RNF216: variants seen among roughly 807,000 people sequenced by gnomAD.
RNF216 encodes the protein E3 ubiquitin-protein ligase RNF216.
RNF216 carries 72 observed loss-of-function variants against 110.8 expected under a neutral mutation model. The ratio of observed to expected loss-of-function variants is 0.65; its 90% CI spans 0.54 to 0.79. The LOEUF is 0.79. Ranked by LOEUF, RNF216 falls within the 30% of genes least tolerant of loss-of-function variation. RNF216 has a pLI of 0.00. For missense variants in RNF216, 1,342 were observed against 1,141.2 expected, an observed-to-expected ratio of 1.18 and a Z score of -2.54; for synonymous variants, 495 against 407.5, an observed-to-expected ratio of 1.21 and a Z score of -2.59.
chr7:5,759,633 C>CTTCTTTTT (rs59390560), intron 2 of RNF216, among the ~76,000 whole-genome samples: 1,389 of 131,124 alleles, frequency 0.011, 127 homozygotes, highest in East Asian at 0.083. Context: ...CATTTTTCTT[C>CTTCTTTTT]TTTTTTTTTT....
intron 3 of RNF216, among the ~76,000 whole-genome samples, chr7:5,744,047 A>G (rs569205705): frequency 5.3e-5 from 8 of 152,244 alleles, no homozygotes; most frequent in Non-Finnish European, 1.2e-4. Context: ...TCAAAACAAG[A>G]GAAGTAACAG....
chr7:5,762,652 A>G (rs1210588476), intron 1 of RNF216, among the ~76,000 whole-genome samples: 1 of 152,054 alleles, frequency 6.6e-6, no homozygotes, highest in Non-Finnish European at 1.5e-5. Context: ...AGATCACACC[A>G]CTGCACTCCA....
chr7:5,733,386 G>T (rs1391697687), intron 5 of RNF216, among the ~76,000 whole-genome samples: 2 of 152,176 alleles, frequency 1.3e-5, no homozygotes, highest in African/African-American at 4.8e-5. Context: ...TAGGAGAACA[G>T]AACTGTAAGA....
rs1210699833 is a variant in RNF216 at position 5,622,427 on chromosome 7, C to T, written c.*433G>A. The T allele has an allele frequency of 6.2e-6, 1 of 162,202 alleles. No homozygotes were observed. Among genetic ancestry groups the T allele is most frequent in the African/African-American group, 2.4e-5 (1 of 41,850 alleles). 10.0% of individuals were successfully genotyped at this position (162,202 alleles called of 1,614,324 possible). ...CAGCCCCCCACCCTGAGCAATGCTT[C>T]CCAGGCCCGCAGGTGCAGCCCCCTC... On this transcript the variant is annotated 3_prime_UTR_variant, in exon 17 of 17. Transcript: ENST00000389902.
chr7:5,658,095 T>G (rs1584392889), intron 13 of RNF216, among the ~76,000 whole-genome samples: 1 of 152,046 alleles, frequency 6.6e-6, no homozygotes, highest in South Asian at 2.1e-4. Context: ...GAGAAAGAGG[T>G]GAGTCAGACA....
intron 3 of RNF216, among the ~76,000 whole-genome samples, chr7:5,750,841 C>T (rs1041370691): frequency 6.6e-6 from 1 of 152,248 alleles, no homozygotes; most frequent in African/African-American, 2.4e-5. Flanking sequence ...TGCAGATAAC[C>T]TGCACTCCCC....
intron 14 of RNF216, among the ~76,000 whole-genome samples, chr7:5,651,650 T>C (rs1035648826): frequency 7.0e-6 from 1 of 142,036 alleles, no homozygotes; most frequent in Non-Finnish European, 1.5e-5. Context: ...ATTGCATTCT[T>C]TTTTTCTTTT....
intron 13 of RNF216, among the ~76,000 whole-genome samples, chr7:5,703,486 CCT>C (rs1792100639): frequency 1.3e-5 from 2 of 152,212 alleles, no homozygotes; most frequent in African/African-American, 2.4e-5. Flanking sequence ...GCTGCAGATG[CCT>C]GTTTTTTAAC....
chr7:5,627,502 C>A (rs1786784935), intron 15 of RNF216, among the ~76,000 whole-genome samples: 1 of 152,194 alleles, frequency 6.6e-6, no homozygotes, highest in South Asian at 2.1e-4. Flanking sequence ...AACCCCAGCA[C>A]TTTGGGAGGC....
chr7:5,715,224 C>G, intron 10 of RNF216, 34 bp from the exon 11 acceptor site: 2 of 1,600,116 alleles, frequency 1.2e-6, no homozygotes, highest in Non-Finnish European at 8.5e-7. Context: ...ATGAAATGTC[C>G]TGCACTTAAG....
chr7:5,623,157 T>A lies in RNF216; in HGVS notation c.2475A>T (p.Gly825=). ...KNGENTFKRI[G]PPLEKPVEKV... is the part of the protein sequence containing the mutation. The stretch of plus-strand genomic sequence containing the variant: ...TCTCCACAGGCTTCTCCAGCGGGGG[T>A]CCAATGCGTTTGAAGGTGTTCTCTG... Residue 825 remains glycine, a synonymous_variant, in exon 17 of 17, where the codon GGA becomes GGT. Transcript: ENST00000389902. 1.3e-6 allele frequency: 2 copies of A among 1,571,784 alleles called. No homozygotes were observed. Among genetic ancestry groups the A allele is most frequent in the South Asian group, 2.3e-5 (2 of 85,516 alleles).
At chr7:5,751,827 T>TAAAAAA (rs3075700) in intron 3 of RNF216, among the ~76,000 whole-genome samples, 43 of 37,304 alleles carry the variant, frequency 1.2e-3, no homozygotes, top group East Asian at 2.8e-3. Flanking sequence ...ATCTTTAAAC[T>TAAAAAA]AAAAAAAAAA....
chr7:5,749,084 G>C (rs1795198214), intron 3 of RNF216, among the ~76,000 whole-genome samples: 1 of 151,678 alleles, frequency 6.6e-6, no homozygotes, highest in African/African-American at 2.4e-5. Flanking sequence ...ACGTGACTTA[G>C]GTATTTTTGG....
chr7:5,712,413 T>C (rs1455030358), intron 12 of RNF216, among the ~76,000 whole-genome samples: 20 of 151,046 alleles, frequency 1.3e-4, no homozygotes, highest in Admixed American at 1.3e-3. Context: ...GCGGAGGTTG[T>C]AGTGAGCCAA....
At chr7:5,753,125 CA>C in intron 2 of RNF216, 146 bp from the exon 3 acceptor site, 1 of 678,178 alleles carries the variant, frequency 1.5e-6, no homozygotes, top group Non-Finnish European at 2.3e-6. Context: ...TGCACTTAAG[CA>C]TTAAGAGCCA....
intron 9 of RNF216, 97 bp from the exon 10 acceptor site, chr7:5,716,863 G>GA (rs1793097263): frequency 6.5e-6 from 6 of 921,622 alleles, no homozygotes; most frequent in African/African-American, 1.7e-5. Flanking sequence ...CCAGTATTGC[G>GA]ATCTCTTCAA....
intron 2 of RNF216, 45 bp from the exon 3 acceptor site, chr7:5,753,024 C>T: frequency 6.3e-7 from 1 of 1,577,760 alleles, no homozygotes; most frequent in Non-Finnish European, 8.6e-7. Flanking sequence ...TTGGCACTAT[C>T]ACATCCAACT....
intron 13 of RNF216, among the ~76,000 whole-genome samples, chr7:5,660,443 G>A (rs191753975): frequency 0.018 from 2,702 of 149,496 alleles, 36 homozygotes; most frequent in Non-Finnish European, 0.028. Flanking sequence ...AGGCGCCCGC[G>A]ACCACACCTG....
chr7:5,732,176 T>C (rs1794131628), intron 5 of RNF216, among the ~76,000 whole-genome samples: 1 of 152,198 alleles, frequency 6.6e-6, no homozygotes, highest in Non-Finnish European at 1.5e-5. Flanking sequence ...ACCATTGTCA[T>C]CAGTGGTAAT....
Sources: gnomAD v4.1 joint callset for allele counts (sites outside exome capture counted in the v4.1 genomes callset) on GRCh38, gnomAD v4.1.1 for gene constraint, MANE v1.5 for transcripts, NCBI Gene and HGNC (gene_info 2026-07-23, HGNC 2026-07-21) for gene names.